Variants in TUT4 observed in about 807,000 individuals in gnomAD.
TUT4 encodes terminal uridylyl transferase 4, also known as terminal uridylyltransferase 4.
A neutral mutation model predicts 192.2 loss-of-function variants in TUT4; 36 were observed. That is an observed-to-expected ratio of 0.19 (90% CI 0.14 to 0.25). The LOEUF (loss-of-function observed/expected upper bound fraction) is 0.25. Among genes scored for constraint, TUT4 ranks in the 10% least tolerant of loss-of-function variants. TUT4 has a pLI of 1.00. For synonymous variants in TUT4, 618 were observed against 666.0 expected, an observed-to-expected ratio of 0.93 and a Z score of 1.11; for missense variants, 1,493 against 1,957.2, an observed-to-expected ratio of 0.76 and a Z score of 4.47.
At chr1:52,444,547 T>C (rs1347940121) in intron 24 of TUT4, among the ~76,000 whole-genome samples, 1 of 151,852 alleles carries the variant, frequency 6.6e-6, no homozygotes. Context: ...TTCATTGGAC[T>C]GAAGCACACA....
At chr1:52,463,075 C>T in intron 16 of TUT4, 2 of 983,314 alleles carry the variant, frequency 2.0e-6, no homozygotes, top group Non-Finnish European at 2.4e-6. Context: ...TACAATTATG[C>T]TAATCTTAAA....
At chr1:52,481,732 G>A in intron 10 of TUT4, 72 bp downstream of exon 10, 13 of 1,520,780 alleles carry the variant, frequency 8.5e-6, no homozygotes, top group Non-Finnish European at 1.1e-5. Flanking sequence ...AGCTTAAAAT[G>A]TTTGAGCAGA....
intron 27 of TUT4, 109 bp from the exon 28 acceptor site, chr1:52,431,569 G>A: frequency 2.4e-6 from 2 of 849,948 alleles, no homozygotes; most frequent in South Asian, 3.1e-5. Flanking sequence ...ACTCTATGAT[G>A]TATATCATAA....
chr1:52,485,281 T>C (rs1669502805), intron 9 of TUT4, among the ~76,000 whole-genome samples: 1 of 152,210 alleles, frequency 6.6e-6, no homozygotes, highest in Non-Finnish European at 1.5e-5. Context: ...AGGCTATTTT[T>C]ATGGCAGAGA....
chr1:52,424,051 T>C, intron 29 of TUT4, 49 bp from the exon 30 acceptor site: 2 of 1,549,738 alleles, frequency 1.3e-6, no homozygotes, highest in South Asian at 2.3e-5. Flanking sequence ...TGCCTGTTTA[T>C]CTGACAACAC....
intron 4 of TUT4, among the ~76,000 whole-genome samples, chr1:52,503,501 CTA>C (rs1160969872): frequency 1.3e-5 from 2 of 152,114 alleles, no homozygotes; most frequent in African/African-American, 4.8e-5. Context: ...TCACTCAAAA[CTA>C]TGTCTTTTTT....
chr1:52,510,337 A>AAG (rs1676819232), intron 3 of TUT4, among the ~76,000 whole-genome samples: 3 of 148,262 alleles, frequency 2.0e-5, no homozygotes, highest in Non-Finnish European at 4.5e-5. Flanking sequence ...AAAAAAAAAA[A>AAG]AAAAGAAAAG....
At chr1:52,540,903 T>G (rs908946758) in intron 1 of TUT4, among the ~76,000 whole-genome samples, 1 of 152,158 alleles carries the variant, frequency 6.6e-6, no homozygotes, top group Non-Finnish European at 1.5e-5. Context: ...CTGAGAAATT[T>G]TTCAAATACA....
At chr1:52,425,209 A>G (rs1649439130) in intron 29 of TUT4, 140 bp downstream of exon 29, 1 of 1,082,746 alleles carries the variant, frequency 9.2e-7, no homozygotes, top group African/African-American at 1.6e-5. Flanking sequence ...ACCTAGCACC[A>G]TCTGACACAC....
chr1:52,490,981 T>A (rs1671008068), intron 7 of TUT4, among the ~76,000 whole-genome samples, 180 bp from the exon 8 acceptor site: 1 of 152,208 alleles, frequency 6.6e-6, no homozygotes, highest in Non-Finnish European at 1.5e-5. Context: ...TGTCATTTGC[T>A]GTATATCACA....
At chr1:52,486,109 A>T (rs1669723575) in intron 9 of TUT4, among the ~76,000 whole-genome samples, 2 of 152,178 alleles carry the variant, frequency 1.3e-5, no homozygotes, top group African/African-American at 4.8e-5. Flanking sequence ...AAGTCAACTT[A>T]ACCAAAAATT....
At chr1:52,489,306 G>A (rs938144546) in intron 8 of TUT4, among the ~76,000 whole-genome samples, 1 of 152,124 alleles carries the variant, frequency 6.6e-6, no homozygotes, top group African/African-American at 2.4e-5. Flanking sequence ...TTAAGTTAAT[G>A]AGAAATTAAT....
At chr1:52,436,235 C>CA (rs1192178948) in intron 26 of TUT4, among the ~76,000 whole-genome samples, 3 of 152,114 alleles carry the variant, frequency 2.0e-5, no homozygotes, top group African/African-American at 7.2e-5. Flanking sequence ...CCTGTAATCC[C>CA]AGCACTTTGG....
intron 1 of TUT4, among the ~76,000 whole-genome samples, chr1:52,550,140 T>C (rs1689041192): frequency 6.6e-6 from 1 of 152,170 alleles, no homozygotes; most frequent in Non-Finnish European, 1.5e-5. Flanking sequence ...AAAAATACTC[T>C]GCAGAAATGA....
chr1:52,530,107 T>C (rs1013435416), intron 1 of TUT4, among the ~76,000 whole-genome samples: 1 of 152,084 alleles, frequency 6.6e-6, no homozygotes, highest in Non-Finnish European at 1.5e-5. Context: ...CTTCCCAAAC[T>C]GCTAGGACTA....
At position 52,489,131 on chromosome 1, in the gene TUT4, G is replaced by A. The variant is rs1570874623; in HGVS notation, c.1389-96C>T. 5 of 1,292,076 alleles carry A rather than the reference G, an allele frequency of 3.9e-6. No individual in the cohort carries two copies. The South Asian group carries it at 5.6e-5, about 14-fold the overall frequency. 80.0% of individuals were successfully genotyped at this position (1,292,076 alleles called of 1,614,324 possible). A position where few individuals can be genotyped will look rare whatever the true frequency, so the allele number is the denominator to read the frequency against. ...CTATTTTCTTTCTAGTTATCATATTGTAACATAGTACCGTAAAAGCCCTAA... is the reference window on the plus strand; with the variant it reads ...CTATTTTCTTTCTAGTTATCATATTATAACATAGTACCGTAAAAGCCCTAA... On this transcript the variant is annotated intron_variant, in intron 8 of 29. Transcript: ENST00000257177.
chr1:52,543,304 T>C (rs1305169814), intron 1 of TUT4, among the ~76,000 whole-genome samples: 3 of 151,658 alleles, frequency 2.0e-5, no homozygotes, highest in African/African-American at 7.3e-5. Context: ...CAATAAATAA[T>C]CTAAAGGGAA....
intron 5 of TUT4, among the ~76,000 whole-genome samples, 177 bp from the exon 6 acceptor site, chr1:52,495,692 G>C (rs930047981): frequency 6.6e-6 from 1 of 152,112 alleles, no homozygotes; most frequent in Non-Finnish European, 1.5e-5. Flanking sequence ...ATGGTTCCCA[G>C]TTATGGAGTG....
chr1:52,487,186 C>G (rs1157035216), intron 9 of TUT4, among the ~76,000 whole-genome samples: 6 of 152,112 alleles, frequency 3.9e-5, no homozygotes, highest in Admixed American at 3.3e-4. Flanking sequence ...TGGCTCACAC[C>G]TGTAATCCCA....
Sources: gnomAD v4.1 joint callset for allele counts (sites outside exome capture counted in the v4.1 genomes callset) on GRCh38, gnomAD v4.1.1 for gene constraint, MANE v1.5 for transcripts, NCBI Gene and HGNC (gene_info 2026-07-23, HGNC 2026-07-21) for gene names.